The following ULK4 variants were observed in gnomAD, a reference collection of about 807,000 sequenced individuals.
ULK4 encodes the protein unc-51 like kinase 4.
Under a neutral mutation model 160.6 loss-of-function variants are expected in ULK4, and 133 were observed. The ratio of observed to expected loss-of-function variants is 0.83; its 90% CI spans 0.72 to 0.96. ULK4 has a LOEUF of 0.96. Among genes scored for constraint, ULK4 ranks in the 40% least tolerant of loss-of-function variants. ULK4 has a pLI of 0.00. For synonymous variants in ULK4, 534 were observed against 539.8 expected, an observed-to-expected ratio of 0.99 and a Z score of 0.15; for missense variants, 1,580 against 1,499.5, an observed-to-expected ratio of 1.05 and a Z score of -0.89.
At chr3:41,961,331 A>G (rs1414435622) in intron 1 of ULK4, among the ~76,000 whole-genome samples, 2 of 152,204 alleles carry the variant, frequency 1.3e-5, no homozygotes, top group Non-Finnish European at 2.9e-5. Flanking sequence ...CCCTGCCCCA[A>G]ATTTACGGAA....
intron 14 of ULK4, 60 bp from the exon 15 acceptor site, chr3:41,897,063 T>C (rs1698185697): frequency 2.8e-6 from 4 of 1,437,694 alleles, no homozygotes; most frequent in Non-Finnish European, 3.8e-6. Context: ...GCTGGAAACA[T>C]TACATAAGAA....
intron 32 of ULK4, among the ~76,000 whole-genome samples, chr3:41,535,002 T>C (rs1000067575): frequency 6.6e-5 from 10 of 152,144 alleles, no homozygotes; most frequent in Admixed American, 4.6e-4. Context: ...TACACACACA[T>C]AAGGGGAAAA....
At position 41,762,480 on chromosome 3, in the gene ULK4, T is replaced by C. The variant is rs556655874; in HGVS notation, c.2194-7992A>G. 2.0e-5 allele frequency among the ~76,000 whole-genome samples: 3 copies of C among 152,158 alleles called. No individual in the cohort carries two copies. The South Asian group carries it at 6.2e-4, about 32-fold the overall frequency. ...TATTAGCCTATTCTCACACTGCTAT[T>C]AAGATACCACCTCAGACTGGGTAAT... On this transcript the variant is annotated intron_variant, in intron 21 of 36. Coordinates refer to ENST00000301831, the MANE Select transcript of ULK4 (RefSeq NM_017886.4).
intron 32 of ULK4, among the ~76,000 whole-genome samples, chr3:41,558,301 T>C (rs1417175881): frequency 6.6e-6 from 1 of 152,132 alleles, no homozygotes. Flanking sequence ...AAGATCTCTA[T>C]GTACCAAAGC....
intron 17 of ULK4, among the ~76,000 whole-genome samples, chr3:41,852,133 C>A (rs1195343104): frequency 6.6e-6 from 1 of 152,108 alleles, no homozygotes; most frequent in Non-Finnish European, 1.5e-5. Context: ...ACTAGAAAAT[C>A]TAGAAGAAAT....
At chr3:41,495,764 C>A (rs2084965418) in intron 32 of ULK4, among the ~76,000 whole-genome samples, 1 of 151,600 alleles carries the variant, frequency 6.6e-6, no homozygotes, top group Non-Finnish European at 1.5e-5. Context: ...AAAAAGTGGG[C>A]AAAGGATATG....
chr3:41,556,905 G>A (rs2087323047), intron 32 of ULK4, among the ~76,000 whole-genome samples: 1 of 152,128 alleles, frequency 6.6e-6, no homozygotes, highest in Admixed American at 6.5e-5. Context: ...GGCAAAGAAT[G>A]TGTTTCTCCC....
intron 20 of ULK4, among the ~76,000 whole-genome samples, chr3:41,794,670 A>AAAAAAAAAAAAAAAAAAAAAAAAAAAC (rs1170936657): frequency 7.8e-6 from 1 of 128,736 alleles, no homozygotes; most frequent in Non-Finnish European, 1.6e-5. Context: ...CAAAAAAAAA[A>AAAAAAAAAAAAAAAAAAAAAAAAAAAC]AAAAAAAAAA....
At chr3:41,731,140 T>C (rs1161386486) in intron 22 of ULK4, among the ~76,000 whole-genome samples, 1 of 151,434 alleles carries the variant, frequency 6.6e-6, no homozygotes, top group Non-Finnish European at 1.5e-5. Context: ...AAGACAAGGA[T>C]ACTCACTTTC....
intron 19 of ULK4, among the ~76,000 whole-genome samples, chr3:41,810,858 T>C (rs1189980896): frequency 6.6e-6 from 1 of 152,140 alleles, no homozygotes; most frequent in African/African-American, 2.4e-5. Context: ...TAATGTACCT[T>C]ACTGAGCATG....
intron 35 of ULK4, among the ~76,000 whole-genome samples, chr3:41,284,642 C>A (rs1287612138): frequency 6.6e-6 from 1 of 152,062 alleles, no homozygotes; most frequent in Non-Finnish European, 1.5e-5. Context: ...TATAAAAATT[C>A]TAGAAGATAA....
chr3:41,394,314 T>TAGTA (rs953558857), intron 35 of ULK4, among the ~76,000 whole-genome samples: 10 of 152,012 alleles, frequency 6.6e-5, no homozygotes, highest in Admixed American at 4.6e-4. Flanking sequence ...ATGAGACAGG[T>TAGTA]AGTATCACAC....
At chr3:41,856,560 T>TAA (rs1258360308) in intron 17 of ULK4, among the ~76,000 whole-genome samples, 3 of 57,978 alleles carry the variant, frequency 5.2e-5, no homozygotes, top group East Asian at 1.3e-3. Context: ...TGTATATATA[T>TAA]ACACATATAT....
chr3:41,885,777 C>A (rs1697699509), intron 16 of ULK4, among the ~76,000 whole-genome samples: 1 of 151,906 alleles, frequency 6.6e-6, no homozygotes, highest in Non-Finnish European at 1.5e-5. Context: ...CTCCCAGGCT[C>A]AAGCAATCCT....
In ULK4 at chr3:41,747,059, T is replaced by C. The variant is rs545940719; in HGVS notation, c.2321+7302A>G. 2.4e-4 allele frequency among the ~76,000 whole-genome samples: 37 copies of C among 152,070 alleles called. 1 individual carries two copies. The highest frequency in any genetic ancestry group is 8.7e-4 in the African/African-American group (36 of 41,354). On this transcript the variant is annotated intron_variant, in intron 22 of 36. Transcript: ENST00000301831. The stretch of plus-strand genomic sequence containing the variant: ...GTAAAGCGTATAACCATAAACAATA[T>C]TTTTTAAAACATGGGAGAAAATCTT...
intron 35 of ULK4, among the ~76,000 whole-genome samples, chr3:41,338,725 ATG>A (rs577471080): frequency 6.6e-6 from 1 of 151,732 alleles, no homozygotes; most frequent in Non-Finnish European, 1.5e-5. Flanking sequence ...GCACATATAT[ATG>A]TGTGTGTGTG....
intron 30 of ULK4, among the ~76,000 whole-genome samples, chr3:41,653,853 C>T (rs2034837286): frequency 6.6e-6 from 1 of 152,168 alleles, no homozygotes; most frequent in Non-Finnish European, 1.5e-5. Flanking sequence ...GTTTACAGAC[C>T]TTAGGAAGTC....
intron 35 of ULK4, among the ~76,000 whole-genome samples, chr3:41,390,248 T>A (rs922569430): frequency 6.6e-6 from 1 of 152,228 alleles, no homozygotes; most frequent in African/African-American, 2.4e-5. Flanking sequence ...TGTGTCTATT[T>A]GATTCTTCTC....
chr3:41,617,506 G>C (rs145341558), intron 30 of ULK4, among the ~76,000 whole-genome samples: 9,586 of 152,214 alleles, frequency 0.063, 439 homozygotes, highest in African/African-American at 0.13. Context: ...CCAGCAAACT[G>C]CAGTAGACCT....
Sources: allele counts gnomAD v4.1 joint callset (sites outside exome capture counted in the v4.1 genomes callset), GRCh38; gene constraint gnomAD v4.1.1; transcripts MANE v1.5; gene names NCBI Gene and HGNC (gene_info 2026-07-23, HGNC 2026-07-21).